KCND2: variants seen among roughly 807,000 people sequenced by gnomAD.
KCND2 encodes potassium voltage-gated channel subfamily D member 2, also known as A-type voltage-gated potassium channel KCND2.
Under a neutral mutation model 54.4 loss-of-function variants are expected in KCND2, and 16 were observed. That is an observed-to-expected ratio of 0.29 (90% CI 0.20 to 0.45). The LOEUF (loss-of-function observed/expected upper bound fraction) is 0.45, where lower values mean the gene tolerates loss of function less well. Ranked by LOEUF, KCND2 falls within the 20% of genes least tolerant of loss-of-function variation. KCND2 has a pLI of 1.00. For missense variants in KCND2, 486 were observed against 824.2 expected, an observed-to-expected ratio of 0.59 and a Z score of 5.02; for synonymous variants, 317 against 310.7, an observed-to-expected ratio of 1.02 and a Z score of -0.21.
At chr7:120,289,942 T>A (rs1420889980) in intron 1 of KCND2, among the ~76,000 whole-genome samples, 52 of 152,208 alleles carry the variant, frequency 3.4e-4, no homozygotes, top group African/African-American at 1.2e-3. Context: ...GAAGCTCACA[T>A]TGTGTTTTTG....
At chr7:120,415,298 GAGA>G (rs1801509246) in intron 1 of KCND2, among the ~76,000 whole-genome samples, 1 of 152,096 alleles carries the variant, frequency 6.6e-6, no homozygotes, top group South Asian at 2.1e-4. Flanking sequence ...CACCAAAAAA[GAGA>G]AGTTCTTGTA....
intron 1 of KCND2, among the ~76,000 whole-genome samples, chr7:120,378,497 T>C (rs1584753877): frequency 6.6e-6 from 1 of 152,012 alleles, no homozygotes; most frequent in Non-Finnish European, 1.5e-5. Flanking sequence ...TAGTGGCCGC[T>C]GTATTTTCCC....
intron 1 of KCND2, among the ~76,000 whole-genome samples, chr7:120,339,110 G>A (rs1177926821): frequency 2.0e-5 from 3 of 149,758 alleles, no homozygotes; most frequent in African/African-American, 7.4e-5. Context: ...TAGCTAGGAT[G>A]GTCTCAATCT....
rs577288166 is a variant in KCND2, at chr7:120,612,137, G to C, written c.1116-120766G>C. Among the ~76,000 whole-genome samples, 12 of 145,710 alleles carry C rather than the reference G, an allele frequency of 8.2e-5. No homozygotes were observed. In the South Asian group the frequency reaches 2.5e-3, roughly 31 times the overall value. The stretch of plus-strand genomic sequence containing the variant: ...GTGAATTGCTTACTACTAATGAGCA[G>C]ATAGAGAGCTATTGCATCATTGCTA... On this transcript the variant is annotated intron_variant, in intron 1 of 5. Transcript: ENST00000331113.
rs1165232355 is a variant in KCND2 at position 120,273,428 on chromosome 7, C to CGCCCCGCA, written c.-1196_-1189dup. On this transcript the variant is annotated 5_prime_UTR_variant, in exon 1 of 6. An upstream open reading frame in the 5' UTR loses its in-frame stop. Transcript: ENST00000331113. Reference sequence around the variant, plus strand: ...CCGCCCGGCCGCCCCGCAGCCCCGCCGCCCCGCAGCCCCGCACCGCGCTGG... The same window carrying CGCCCCGCA: ...CCGCCCGGCCGCCCCGCAGCCCCGCCGCCCCGCAGCCCCGCAGCCCCGCACCGCGCTGG... Among the ~76,000 whole-genome samples, 2 of 148,172 alleles carry CGCCCCGCA rather than the reference C, an allele frequency of 1.3e-5. No individual in the cohort carries two copies. Among genetic ancestry groups the CGCCCCGCA allele is most frequent in the Admixed American group, 6.7e-5 (1 of 14,900 alleles).
At chr7:120,383,113 A>G (rs976754788) in intron 1 of KCND2, among the ~76,000 whole-genome samples, 5 of 152,036 alleles carry the variant, frequency 3.3e-5, no homozygotes, top group African/African-American at 1.2e-4. Context: ...AGTTTAGATG[A>G]TACAAATTGT....
At position 120,541,469 on chromosome 7, in the gene KCND2, A is replaced by G. The variant is rs146132873; in HGVS notation, c.1116-191434A>G. Among the ~76,000 whole-genome samples, 100 of 152,224 alleles carry G rather than the reference A, an allele frequency of 6.6e-4. 2 individuals are homozygous for G. In the East Asian group the frequency reaches 0.013, roughly 20 times the overall value. On this transcript the variant is annotated intron_variant, in intron 1 of 5. Transcript: ENST00000331113. The stretch of plus-strand genomic sequence containing the variant: ...TGAGTCTTTCTCTACCTATGCAAAT[A>G]CCCACACTAAAAGTAGCTGCAACAG...
At chr7:120,335,466 T>C (rs1800135472) in intron 1 of KCND2, among the ~76,000 whole-genome samples, 1 of 108,912 alleles carries the variant, frequency 9.2e-6, no homozygotes, top group Non-Finnish European at 1.9e-5. Context: ...TTTACTTACT[T>C]ACTTATTTAT....
chr7:120,633,478 A>G (rs1435647340), intron 1 of KCND2, among the ~76,000 whole-genome samples: 1 of 152,224 alleles, frequency 6.6e-6, no homozygotes, highest in Admixed American at 6.5e-5. Flanking sequence ...TGAAAGAAAA[A>G]GACATGACAT....
intron 1 of KCND2, among the ~76,000 whole-genome samples, chr7:120,303,318 A>G (rs1026686860): frequency 2.0e-5 from 3 of 152,212 alleles, no homozygotes; most frequent in African/African-American, 4.8e-5. Context: ...CTGTGTCTAC[A>G]TATTATGAAA....
chr7:120,582,850 G>A (rs1288465415), intron 1 of KCND2, among the ~76,000 whole-genome samples: 2 of 151,122 alleles, frequency 1.3e-5, no homozygotes, highest in East Asian at 3.9e-4. Context: ...CTCATTTTTA[G>A]CTACTACACA....
intron 1 of KCND2, among the ~76,000 whole-genome samples, chr7:120,534,463 A>C (rs1791878399): frequency 6.6e-6 from 1 of 152,054 alleles, no homozygotes; most frequent in Non-Finnish European, 1.5e-5. Context: ...AAGGCCATCT[A>C]AACAAACAAA....
intron 1 of KCND2, among the ~76,000 whole-genome samples, chr7:120,388,905 T>TATAC (rs1554434380): frequency 2.0e-5 from 3 of 150,158 alleles, no homozygotes; most frequent in Non-Finnish European, 3.0e-5. Flanking sequence ...TATATATATA[T>TATAC]ACACACACAT....
At chr7:120,278,586 A>T (rs1035732315) in intron 1 of KCND2, among the ~76,000 whole-genome samples, 2 of 151,548 alleles carry the variant, frequency 1.3e-5, no homozygotes, top group Non-Finnish European at 3.0e-5. Flanking sequence ...AATCATTTGC[A>T]GCTTCTAGAG....
chr7:120,504,510 T>A (rs1415643631), intron 1 of KCND2, among the ~76,000 whole-genome samples: 2 of 151,944 alleles, frequency 1.3e-5, no homozygotes, highest in Non-Finnish European at 2.9e-5. Flanking sequence ...TTATATTTGA[T>A]GGCAGTTAAT....
chr7:120,564,194 A>G (rs1051923475), intron 1 of KCND2, among the ~76,000 whole-genome samples: 1 of 152,202 alleles, frequency 6.6e-6, no homozygotes, highest in Non-Finnish European at 1.5e-5. Context: ...GCAAATTTTA[A>G]TATATGCTAT....
At chr7:120,434,818 GA>G (rs57286411) in intron 1 of KCND2, among the ~76,000 whole-genome samples, 38,690 of 147,178 alleles carry the variant, frequency 0.26, 7,439 homozygotes, top group African/African-American at 0.55. Flanking sequence ...GATCCTAGAG[GA>G]AAAAAAAAAA....
intron 1 of KCND2, among the ~76,000 whole-genome samples, chr7:120,402,976 C>A (rs1297529667): frequency 6.6e-6 from 1 of 152,082 alleles, no homozygotes; most frequent in Non-Finnish European, 1.5e-5. Context: ...ACTTGGGAAG[C>A]ATAACTGGAA....
At chr7:120,358,321 C>G (rs1800538124) in intron 1 of KCND2, among the ~76,000 whole-genome samples, 1 of 152,016 alleles carries the variant, frequency 6.6e-6, no homozygotes, top group African/African-American at 2.4e-5. Flanking sequence ...CTTTTTTACT[C>G]ATAGGTAAGT....
Sources: allele counts gnomAD v4.1 joint callset (sites outside exome capture counted in the v4.1 genomes callset), GRCh38; gene constraint gnomAD v4.1.1; transcripts MANE v1.5; gene names NCBI Gene and HGNC (gene_info 2026-07-23, HGNC 2026-07-21).